Variants in VRK2 observed in about 807,000 individuals in gnomAD.
The protein encoded by VRK2 is VRK serine/threonine kinase 2.
A neutral mutation model predicts 57.6 loss-of-function variants in VRK2; 60 were observed. That is an observed-to-expected ratio of 1.04 (90% confidence interval 0.85 to 1.29). The LOEUF is 1.29. Ranked by LOEUF, VRK2 falls within the 50% of genes most tolerant of loss-of-function variation. VRK2 has a pLI of 0.00. For missense variants in VRK2, 705 were observed against 588.1 expected, an observed-to-expected ratio of 1.20 and a Z score of -2.06; for synonymous variants, 231 against 199.2, an observed-to-expected ratio of 1.16 and a Z score of -1.35.
At chr2:58,001,948 T>C (rs1182842186) in intron 1 of VRK2, among the ~76,000 whole-genome samples, 1 of 152,214 alleles carries the variant, frequency 6.6e-6, no homozygotes, top group Non-Finnish European at 1.5e-5. Flanking sequence ...ATGATATTCA[T>C]ACCTTTGTGT....
rs555267733 is a variant in VRK2, at chr2:57,935,547, C to T, written c.-439+27708C>T. The stretch of plus-strand genomic sequence containing the variant: ...CTGGCCTGGGAGAAGAGGAGTGAGA[C>T]ACATGGAGTTTTGGGGGTGTCCCTT... On this transcript the variant is annotated intron_variant, in intron 1 of 15. Coordinates refer to the VRK2 transcript ENST00000417641. Among the ~76,000 whole-genome samples the T allele has an allele frequency of 4.6e-5, 7 of 152,210 alleles. No individual in the cohort carries two copies. The South Asian group carries it at 6.2e-4, about 14-fold the overall frequency.
chr2:58,091,009 A>G (rs1672298410), intron 7 of VRK2, among the ~76,000 whole-genome samples: 1 of 152,236 alleles, frequency 6.6e-6, no homozygotes, highest in African/African-American at 2.4e-5. Context: ...AGGCAAAACT[A>G]TAGAGACAGT....
intron 7 of VRK2, among the ~76,000 whole-genome samples, chr2:58,099,070 A>G (rs1673571160): frequency 6.6e-6 from 1 of 152,020 alleles, no homozygotes; most frequent in South Asian, 2.1e-4. Flanking sequence ...TTTGGAAAAC[A>G]AATGTATCCT....
intron 1 of VRK2, among the ~76,000 whole-genome samples, chr2:58,009,246 G>C (rs1028846258): frequency 1.3e-5 from 2 of 151,980 alleles, no homozygotes; most frequent in African/African-American, 4.8e-5. Flanking sequence ...AATATAATCT[G>C]TGAATTTATT....
At chr2:57,995,270 T>C (rs1327457642) in intron 1 of VRK2, among the ~76,000 whole-genome samples, 1 of 152,210 alleles carries the variant, frequency 6.6e-6, no homozygotes, top group East Asian at 1.9e-4. Context: ...AATGGCTCAC[T>C]GAGTTATGTA....
chr2:58,057,329 G>A (rs1676674343), intron 2 of VRK2, among the ~76,000 whole-genome samples: 1 of 152,068 alleles, frequency 6.6e-6, no homozygotes, highest in African/African-American at 2.4e-5. Context: ...CTTTTGGGGA[G>A]TTTGAAGGGA....
At chr2:58,104,334 T>A (rs1379080996) in intron 7 of VRK2, among the ~76,000 whole-genome samples, 1 of 151,822 alleles carries the variant, frequency 6.6e-6, no homozygotes, top group Admixed American at 6.6e-5. Context: ...TGCAAAAAAC[T>A]CTTAATTTTG....
At chr2:58,083,132 C>G (rs1671134167) in intron 2 of VRK2, among the ~76,000 whole-genome samples, 1 of 151,692 alleles carries the variant, frequency 6.6e-6, no homozygotes, top group South Asian at 2.1e-4. Flanking sequence ...CAATTGTAGT[C>G]AATACTAGTT....
At chr2:57,991,974 T>C (rs1672783219) in intron 1 of VRK2, among the ~76,000 whole-genome samples, 2 of 149,014 alleles carry the variant, frequency 1.3e-5, no homozygotes, top group African/African-American at 5.0e-5. Flanking sequence ...AAAAAAAAAT[T>C]TGATTTGTAA....
intron 8 of VRK2, among the ~76,000 whole-genome samples, chr2:58,124,900 G>A (rs1678078771): frequency 6.6e-6 from 1 of 151,922 alleles, no homozygotes; most frequent in Non-Finnish European, 1.5e-5. Flanking sequence ...TTGTAGTGTT[G>A]TGTGATTTTT....
chr2:57,995,543 G>C (rs1672897877), intron 1 of VRK2, among the ~76,000 whole-genome samples: 1 of 152,114 alleles, frequency 6.6e-6, no homozygotes, highest in Non-Finnish European at 1.5e-5. Context: ...CAGTTTGTCA[G>C]TCATTCTTTC....
chr2:57,952,885 C>T (rs543534660), intron 1 of VRK2, among the ~76,000 whole-genome samples: 1 of 152,094 alleles, frequency 6.6e-6, no homozygotes, highest in Admixed American at 6.6e-5. Flanking sequence ...GATGTGCCAC[C>T]CTCACTTTTT....
chr2:57,944,841 G>A (rs1453679576), intron 1 of VRK2, among the ~76,000 whole-genome samples: 1 of 151,706 alleles, frequency 6.6e-6, no homozygotes, highest in Non-Finnish European at 1.5e-5. Flanking sequence ...TCAAGAAGAT[G>A]AAGAAAGAGG....
At chr2:57,919,614 A>G (rs538351083) in intron 1 of VRK2, among the ~76,000 whole-genome samples, 1 of 152,234 alleles carries the variant, frequency 6.6e-6, no homozygotes, top group South Asian at 2.1e-4. Flanking sequence ...TTCATTCACA[A>G]TCAGTAACAT....
At chr2:58,082,658 C>T (rs1426762481) in intron 2 of VRK2, among the ~76,000 whole-genome samples, 1 of 151,828 alleles carries the variant, frequency 6.6e-6, no homozygotes. Context: ...TCTGGCTAAT[C>T]CACTCTTCCT....
At chr2:57,973,612 C>CGCTGTCTAGAACTATGTCTAGA (rs1558520300) in intron 1 of VRK2, among the ~76,000 whole-genome samples, 2 of 151,678 alleles carry the variant, frequency 1.3e-5, no homozygotes, top group Non-Finnish European at 2.9e-5. Context: ...TATCTAGCAG[C>CGCTGTCTAGAACTATGTCTAGA]ACTGTCAAAC....
intron 1 of VRK2, among the ~76,000 whole-genome samples, chr2:57,978,964 C>A (rs1421549192): frequency 6.6e-6 from 1 of 150,874 alleles, no homozygotes; most frequent in African/African-American, 2.5e-5. Flanking sequence ...CATCTATGTC[C>A]CTGCAAAGGA....
At chr2:58,134,610 T>C (rs1573313473) in intron 9 of VRK2, among the ~76,000 whole-genome samples, 3 of 105,814 alleles carry the variant, frequency 2.8e-5, no homozygotes, top group South Asian at 2.7e-4. Flanking sequence ...AGAGCGAGAC[T>C]CCGTCTCAAA....
intron 2 of VRK2, among the ~76,000 whole-genome samples, chr2:58,055,833 C>G (rs759613905): frequency 6.6e-6 from 1 of 152,024 alleles, no homozygotes; most frequent in East Asian, 1.9e-4. Context: ...TTTAACAAAC[C>G]AAAGGAAAAA....
Sources: gnomAD v4.1 joint callset for allele counts (sites outside exome capture counted in the v4.1 genomes callset) on GRCh38, gnomAD v4.1.1 for gene constraint, MANE v1.5 for transcripts, NCBI Gene and HGNC (gene_info 2026-07-23, HGNC 2026-07-21) for gene names.